ACTN4: variants seen among roughly 807,000 people sequenced by gnomAD.
ACTN4 encodes the protein alpha-actinin-4.
In ACTN4, 18 loss-of-function variants were observed where a neutral mutation model predicts 114.2. The ratio of observed to expected loss-of-function variants is 0.16; its 90% CI spans 0.11 to 0.23. ACTN4 has a LOEUF of 0.23. ACTN4 is among the 10% of genes least tolerant of loss of function. The probability of loss-of-function intolerance (pLI) is 1.00; values close to 1 mark genes in which losing one functional copy is unlikely to be tolerated. For synonymous variants in ACTN4, 515 were observed against 506.3 expected (o/e 1.02, Z -0.23); for missense variants, 722 against 1,262.9 (o/e 0.57, Z 6.49).
chr19:38,699,123 G>T (rs1160540915), intron 1 of ACTN4, among the ~76,000 whole-genome samples: 1 of 152,218 alleles, frequency 6.6e-6, no homozygotes, highest in Non-Finnish European at 1.5e-5. Flanking sequence ...GCAGGAGGGT[G>T]CGTGGGCTGG....
chr19:38,726,908 G>C (rs375050312), intron 17 of ACTN4, 49 bp from the exon 18 acceptor site: 186 of 1,611,220 alleles, frequency 1.2e-4, no homozygotes, highest in Non-Finnish European at 1.5e-4. Flanking sequence ...ACCACGGTGA[G>C]GACAGTTCAC....
intron 12 of ACTN4, 57 bp downstream of exon 12, chr19:38,721,745 C>G (rs764008599): frequency 1.9e-6 from 3 of 1,602,248 alleles, no homozygotes; most frequent in East Asian, 2.2e-5. Context: ...CCTGCCCAGA[C>G]TGGTGGCGGC....
intron 1 of ACTN4, among the ~76,000 whole-genome samples, chr19:38,689,140 G>A (rs1001300233): frequency 3.3e-5 from 5 of 152,072 alleles, no homozygotes; most frequent in Non-Finnish European, 5.9e-5. Flanking sequence ...GAATATTCAC[G>A]GTGGTGCTAA....
chr19:38,684,312 G>C (rs1967671607), intron 1 of ACTN4, among the ~76,000 whole-genome samples: 1 of 152,182 alleles, frequency 6.6e-6, no homozygotes. Context: ...TCATGGGGCA[G>C]GTTGACATGG....
intron 1 of ACTN4, among the ~76,000 whole-genome samples, chr19:38,651,040 G>GT: frequency 6.6e-6 from 1 of 152,118 alleles, no homozygotes; most frequent in Non-Finnish European, 1.5e-5. Flanking sequence ...GACTGGCTGG[G>GT]TTTTTTCTAC....
rs1381690674 is a variant in ACTN4 at position 38,681,056 on chromosome 19, G to A, written c.163-19544G>A. Reference sequence around the variant, plus strand: ...CAGGAGAATTACTTGAACCCGGGAGGTGGAGGTTGCAGTGAGCTGAGATTG... The same window carrying A: ...CAGGAGAATTACTTGAACCCGGGAGATGGAGGTTGCAGTGAGCTGAGATTG... On this transcript the variant is annotated intron_variant, in intron 1 of 20. Transcript: ENST00000252699. Among the ~76,000 whole-genome samples, 3 of 149,440 alleles carry A rather than the reference G, an allele frequency of 2.0e-5. No homozygotes were observed. In the East Asian group the frequency reaches 5.9e-4, roughly 29 times the overall value.
At chr19:38,652,665 C>A (rs914634070) in intron 1 of ACTN4, among the ~76,000 whole-genome samples, 1 of 152,196 alleles carries the variant, frequency 6.6e-6, no homozygotes, top group African/African-American at 2.4e-5. Context: ...GACTGCTTGG[C>A]CCCAAGTGGG....
chr19:38,668,459 G>A (rs952901621), intron 1 of ACTN4, among the ~76,000 whole-genome samples: 9 of 152,156 alleles, frequency 5.9e-5, no homozygotes, highest in South Asian at 4.1e-4. Context: ...AGGCCAAGGC[G>A]CACAGATCAC....
intron 1 of ACTN4, among the ~76,000 whole-genome samples, chr19:38,694,729 T>C (rs1417931786): frequency 1.9e-3 from 2 of 1,030 alleles, no homozygotes; most frequent in Non-Finnish European, 3.2e-3. Context: ...AGTTTCCTCA[T>C]CAAATGGAGA....
chr19:38,664,046 G>A (rs547234056), intron 1 of ACTN4, among the ~76,000 whole-genome samples: 3 of 152,336 alleles, frequency 2.0e-5, no homozygotes, highest in African/African-American at 4.8e-5. Flanking sequence ...ATGACCACGC[G>A]CAGCCGGAAC....
intron 1 of ACTN4, among the ~76,000 whole-genome samples, chr19:38,682,385 A>G (rs1056624455): frequency 6.6e-6 from 1 of 150,654 alleles, no homozygotes; most frequent in Non-Finnish European, 1.5e-5. Flanking sequence ...GGGTCTCACT[A>G]TGTTGCCCAG....
intron 19 of ACTN4, chr19:38,728,387 C>A (rs1969321426): frequency 7.2e-7 from 1 of 1,384,664 alleles, no homozygotes. Context: ...GCCTGGTATG[C>A]AGCTCTGTCT....
intron 1 of ACTN4, among the ~76,000 whole-genome samples, chr19:38,691,401 C>CAAAAAAAAAAAAAAAAA (rs34899917): frequency 1.9e-5 from 1 of 52,878 alleles, no homozygotes; most frequent in Non-Finnish European, 3.9e-5. Context: ...AACTCCGTCT[C>CAAAAAAAAAAAAAAAAA]AAAAAAAAAA....
Position 38,723,916 on chromosome 19 carries a change from C to T in ACTN4, c.1552-21C>T, listed in dbSNP as rs368388698. The T allele has an allele frequency of 4.3e-6, 7 of 1,612,848 alleles. No homozygotes were observed. The African/African-American group carries it at 9.4e-5, about 22-fold the overall frequency. On this transcript the variant is annotated intron_variant, in intron 13 of 20. Transcript: ENST00000252699. ...GACCTGCCTTCCCTCTGTCCCTGCC[C>T]CCTTCCCTCCCACACACTAGAAAAC...
At chr19:38,703,019 G>A (rs1599823875) in intron 3 of ACTN4, among the ~76,000 whole-genome samples, 1 of 152,210 alleles carries the variant, frequency 6.6e-6, no homozygotes, top group Non-Finnish European at 1.5e-5. Context: ...GTCTTCTTTG[G>A]AAGCCACTCC....
chr19:38,703,808 C>T (rs760259759), intron 3 of ACTN4, among the ~76,000 whole-genome samples: 2 of 152,010 alleles, frequency 1.3e-5, no homozygotes, highest in African/African-American at 4.8e-5. Context: ...TTGGGGAGCT[C>T]CTTGGGACGG....
intron 5 of ACTN4, among the ~76,000 whole-genome samples, chr19:38,707,285 G>A (rs576696202): frequency 1.3e-5 from 2 of 151,950 alleles, no homozygotes; most frequent in Admixed American, 1.3e-4. Flanking sequence ...CATGCCGTTA[G>A]TGGAGATACA....
intron 1 of ACTN4, among the ~76,000 whole-genome samples, chr19:38,695,568 T>C (rs1477026027): frequency 6.6e-6 from 1 of 152,144 alleles, no homozygotes; most frequent in African/African-American, 2.4e-5. Flanking sequence ...CATTGACCCT[T>C]GTCCCCTTCG....
At chr19:38,729,180 T>G in intron 20 of ACTN4, 26 bp downstream of exon 20, 4 of 1,612,444 alleles carry the variant, frequency 2.5e-6, no homozygotes, top group Non-Finnish European at 3.4e-6. Context: ...ACGAGGTGCA[T>G]GGGGGCTGGC....
Sources: allele counts gnomAD v4.1 joint callset (sites outside exome capture counted in the v4.1 genomes callset), GRCh38; gene constraint gnomAD v4.1.1; transcripts MANE v1.5; gene names NCBI Gene and HGNC (gene_info 2026-07-23, HGNC 2026-07-21).